Variants in VCAN observed in about 807,000 individuals in gnomAD.
The protein encoded by VCAN is versican core protein.
A neutral mutation model predicts 245.5 loss-of-function variants in VCAN; 44 were observed. That is an observed-to-expected ratio of 0.18 (90% CI 0.14 to 0.23). The LOEUF (loss-of-function observed/expected upper bound fraction) is 0.23. VCAN is among the 10% of genes least tolerant of loss of function. The pLI is 1.00. For missense variants in VCAN, 3,793 were observed against 4,057.9 expected, an observed-to-expected ratio of 0.93 and a Z score of 1.77; for synonymous variants, 1,413 against 1,437.0, an observed-to-expected ratio of 0.98 and a Z score of 0.38.
chr5:83,533,996 G>A (rs1746614357), intron 7 of VCAN: 1 of 152,128 alleles, frequency 6.6e-6, no homozygotes, highest in Non-Finnish European at 1.5e-5. Flanking sequence ...TACAATTAGA[G>A]TTCTTCTTTA....
At chr5:83,573,263 G>C (rs889939199) in intron 13 of VCAN, among the ~76,000 whole-genome samples, 2 of 151,908 alleles carry the variant, frequency 1.3e-5, no homozygotes, top group Admixed American at 1.3e-4. Flanking sequence ...TAAAAATTAG[G>C]CTATATTTTT....
chr5:83,578,821 A>G (rs979700171), intron 13 of VCAN, among the ~76,000 whole-genome samples: 4 of 152,160 alleles, frequency 2.6e-5, no homozygotes, highest in African/African-American at 9.7e-5. Flanking sequence ...CATTTGTATT[A>G]AAGATATATA....
At chr5:83,490,495 G>T in intron 3 of VCAN, 23 bp downstream of exon 3, 1 of 1,613,012 alleles carries the variant, frequency 6.2e-7, no homozygotes. Flanking sequence ...TTATCTGCAA[G>T]AAGGTAGTAT....
intron 13 of VCAN, 70 bp from the exon 14 acceptor site, chr5:83,579,910 A>AAAAAT (rs1748609256): frequency 2.0e-6 from 3 of 1,527,736 alleles, no homozygotes; most frequent in Non-Finnish European, 2.7e-6. Context: ...AGAAAGAGAG[A>AAAAAT]AAAATAAGAG....
At position 83,540,422 on chromosome 5, in the gene VCAN, C is replaced by T. The variant is rs61754536; in HGVS notation, c.7419C>T (p.Ser2473=). 11,859 of 1,613,968 alleles carry T rather than the reference C, an allele frequency of 7.3e-3. 87 individuals carry two copies. The highest frequency in any genetic ancestry group is 7.1e-3 in the Non-Finnish European group (8,363 of 1,179,950). Residue 2473 remains serine (S), a synonymous_variant, in exon 8 of 15, where the codon AGC becomes AGT. Transcript: ENST00000265077. ...GSLEKHPEVP[S]AKAVTADGFP... ...TGGAAAAACATCCTGAGGTGCCAAG[C>T]GCTAAAGCTGTTACTGCTGATGGAT...
At chr5:83,488,128 A>G (rs1744852394) in intron 2 of VCAN, among the ~76,000 whole-genome samples, 1 of 152,200 alleles carries the variant, frequency 6.6e-6, no homozygotes, top group Admixed American at 6.5e-5. Flanking sequence ...TTTTTAGAGC[A>G]CAAAATTCTC....
In VCAN at chr5:83,538,742, A is replaced by G; in HGVS notation, c.5739A>G (p.Gly1913=). The change falls in exon 8 of 15, where the codon GGA becomes GGG. Residue 1913 remains glycine (G), a synonymous_variant. Coordinates refer to ENST00000265077, the MANE Select transcript of VCAN (RefSeq NM_004385.5). ...SREIVISERL[G]EPNYGAEIRG... ...AAATAGTGATTTCAGAGCGATTAGG[A>G]GAACCAAATTATGGGGCAGAAATAA... is the stretch of plus-strand genomic sequence containing the variant. The G allele has an allele frequency of 6.2e-7, 1 of 1,614,076 alleles. No homozygotes were observed. The highest frequency in any genetic ancestry group is 1.1e-5 in the South Asian group (1 of 91,082).
At position 83,495,526 on chromosome 5, in the gene VCAN, T is replaced by C. The variant is rs79673249; in HGVS notation, c.748+1595T>C. ...GAAATACATAAAACTAGAGCTTTTC[T>C]CTTGCCTTTATTTTAATTGATTTAA... is the stretch of plus-strand genomic sequence containing the variant. On this transcript the variant is annotated intron_variant, in intron 5 of 14. Transcript: ENST00000265077. Among the ~76,000 whole-genome samples the C allele has an allele frequency of 8.8e-3, 1,341 of 152,326 alleles. 9 individuals are homozygous for C. The highest frequency in any genetic ancestry group is 0.013 in the Admixed American group (202 of 15,304).
Position 83,536,997 on chromosome 5 carries a change from T to C in VCAN, c.4004-10T>C. On this transcript the variant is annotated splice_polypyrimidine_tract_variant and intron_variant, in intron 7 of 14. Coordinates refer to ENST00000265077, the MANE Select transcript of VCAN (RefSeq NM_004385.5). ...CTATTTAAGTATTGTGAAAACTCTG[T>C]TTTTTTCAGGTCGAATGAGTGATTT... 1 of 1,568,082 alleles carries C rather than the reference T, an allele frequency of 6.4e-7. No individual in the cohort carries two copies. Among genetic ancestry groups the C allele is most frequent in the Non-Finnish European group, 8.6e-7 (1 of 1,161,096 alleles).
In VCAN at chr5:83,521,074, G is replaced by A; in HGVS notation, c.2768G>A (p.Ser923Asn). 6.2e-7 allele frequency: 1 copy of A among 1,614,122 alleles called. No homozygotes were observed. The highest frequency in any genetic ancestry group is 8.5e-7 in the Non-Finnish European group (1 of 1,179,988). The change falls in exon 7 of 15, where the codon AGT (serine) becomes AAT (asparagine). Residue 923 changes from serine (S) to asparagine (N), a missense_variant. Around this residue, in one of 5 missense-constraint regions of VCAN, gnomAD observed 3,182 missense variants for 3,250.3 expected, o/e 0.98. Coordinates refer to ENST00000265077, the MANE Select transcript of VCAN (RefSeq NM_004385.5). ...CAAGTTTATGCAACCATGGAAGGAA[G>A]TGCTTTGGGTGAAGTAGAAGATGTG... ...EGQVYATMEG[S>N]ALGEVEDVDL...
rs746334333 is a variant in VCAN, at chr5:83,540,474, C to G, written c.7471C>G (p.Leu2491Val). Residue 2491 changes from leucine to valine, a missense_variant, in exon 8 of 15, where the codon CTT becomes GTT. This residue lies in a region of VCAN where 3,182 missense variants were observed against 3,250.3 expected (regional missense o/e 0.98). Coordinates refer to ENST00000265077, the MANE Select transcript of VCAN (RefSeq NM_004385.5). Reference sequence around the variant, plus strand: ...CCCAACAGTTTCAGTGATGCTGCCTCTTCATTCAGAGCAGAACAAAAGCTC... The same window carrying G: ...CCCAACAGTTTCAGTGATGCTGCCTGTTCATTCAGAGCAGAACAAAAGCTC... ...GFPTVSVMLP[L>V]HSEQNKSSPD... The G allele has an allele frequency of 6.2e-7, 1 of 1,613,930 alleles. No homozygotes were observed. The highest frequency in any genetic ancestry group is 8.5e-7 in the Non-Finnish European group (1 of 1,179,926).
chr5:83,554,650 A>G (rs1392145968), intron 11 of VCAN, among the ~76,000 whole-genome samples: 1 of 152,196 alleles, frequency 6.6e-6, no homozygotes, highest in Non-Finnish European at 1.5e-5. Context: ...TCTATCATAA[A>G]AAAAAGAAAA....
In VCAN at chr5:83,506,029, C is replaced by T. The variant is rs532886044; in HGVS notation, c.749-6074C>T. ...CCAATTCCCCAAGCTGCATACAGCA[C>T]GGGGACCCTGGGCCTGGCCCATGAA... On this transcript the variant is annotated intron_variant, in intron 5 of 14. Transcript: ENST00000265077. Among the ~76,000 whole-genome samples the T allele has an allele frequency of 3.6e-3, 549 of 152,294 alleles. 4 individuals carry two copies. The highest frequency in any genetic ancestry group is 0.013 in the African/African-American group (520 of 41,552).
chr5:83,500,364 A>G (rs1257129517), intron 5 of VCAN, among the ~76,000 whole-genome samples: 1 of 152,150 alleles, frequency 6.6e-6, no homozygotes, highest in African/African-American at 2.4e-5. Flanking sequence ...TTCTGTGTAC[A>G]GTGTTTGAAC....
chr5:83,510,349 C>T (rs1745613985), intron 5 of VCAN, among the ~76,000 whole-genome samples: 1 of 152,144 alleles, frequency 6.6e-6, no homozygotes, highest in Non-Finnish European at 1.5e-5. Context: ...GTGCTATCAC[C>T]CACTCAGAGA....
At chr5:83,546,843 T>G (rs572620860) in intron 9 of VCAN, among the ~76,000 whole-genome samples, 1 of 152,326 alleles carries the variant, frequency 6.6e-6, no homozygotes, top group South Asian at 2.1e-4. Flanking sequence ...GAAATTTAAC[T>G]TGCTTTGTAT....
At chr5:83,480,448 G>A (rs934203657) in intron 1 of VCAN, among the ~76,000 whole-genome samples, 2 of 152,100 alleles carry the variant, frequency 1.3e-5, no homozygotes, top group Non-Finnish European at 2.9e-5. Flanking sequence ...ATATTATTGG[G>A]TCATGGTAAA....
intron 1 of VCAN, among the ~76,000 whole-genome samples, chr5:83,472,735 C>A (rs532748725): frequency 1.4e-4 from 21 of 152,242 alleles, no homozygotes; most frequent in African/African-American, 3.1e-4. Flanking sequence ...GTTCTTTTGT[C>A]CTGCACGCGG....
intron 2 of VCAN, among the ~76,000 whole-genome samples, chr5:83,488,366 A>C (rs894847101): frequency 6.6e-6 from 1 of 152,182 alleles, no homozygotes; most frequent in Non-Finnish European, 1.5e-5. Context: ...TGAAAAGAAC[A>C]CTTCTTTTAC....
Sources: gnomAD v4.1 joint callset for allele counts (sites outside exome capture counted in the v4.1 genomes callset) on GRCh38, gnomAD v4.1.1 for gene constraint, gnomAD v4.1.1 regional missense constraint, MANE v1.5 for transcripts, NCBI Gene and HGNC (gene_info 2026-07-23, HGNC 2026-07-21) for gene names.